The following MROH9 variants were observed in gnomAD, a reference collection of about 807,000 sequenced individuals.
MROH9 encodes the protein maestro heat-like repeat-containing protein family member 9.
MROH9 carries 92 observed loss-of-function variants against 98.2 expected under a neutral mutation model. That is an observed-to-expected ratio of 0.94 (90% confidence interval 0.79 to 1.11). The LOEUF is 1.11. MROH9 is among the 50% of genes most tolerant of loss of function. The probability of loss-of-function intolerance (pLI) is 0.00; values close to 1 mark genes in which losing one functional copy is unlikely to be tolerated. For synonymous variants in MROH9, 397 were observed against 368.9 expected (o/e 1.08, Z -0.87); for missense variants, 1,057 against 1,014.8 (o/e 1.04, Z -0.57).
At chr1:171,021,890 T>A in intron 17 of MROH9, among the ~76,000 whole-genome samples, 1 of 146,124 alleles carries the variant, frequency 6.8e-6, no homozygotes. Flanking sequence ...TACAAGAAAC[T>A]TAAATTTACA....
chr1:171,063,252 A>ATT (rs11385110), intron 21 of MROH9, among the ~76,000 whole-genome samples: 15,474 of 124,874 alleles, frequency 0.12, 1,501 homozygotes, highest in South Asian at 0.27. Flanking sequence ...ATTATCCCGG[A>ATT]TTTTTTTTTT....
chr1:170,975,869 T>C (rs568820171), intron 8 of MROH9, among the ~76,000 whole-genome samples: 2 of 152,322 alleles, frequency 1.3e-5, no homozygotes, highest in South Asian at 2.1e-4. Flanking sequence ...TGGTTAAGTC[T>C]TCCCATTGAA....
chr1:171,034,133 T>C (rs1039814000), intron 20 of MROH9, among the ~76,000 whole-genome samples: 2 of 152,072 alleles, frequency 1.3e-5, no homozygotes, highest in Non-Finnish European at 2.9e-5. Flanking sequence ...AAAAAAACTT[T>C]TATAGTATTC....
chr1:170,958,358 C>A, intron 3 of MROH9, 103 bp from the exon 4 acceptor site: 1 of 602,770 alleles, frequency 1.7e-6, no homozygotes, highest in South Asian at 3.1e-5. Context: ...GATTTGGTTC[C>A]TTTAGTCTCT....
At chr1:170,944,437 T>A (rs1455748583) in intron 1 of MROH9, among the ~76,000 whole-genome samples, 1 of 152,034 alleles carries the variant, frequency 6.6e-6, no homozygotes, top group Non-Finnish European at 1.5e-5. Flanking sequence ...AAATCTGTTA[T>A]GTAATAAACA....
chr1:171,003,410 C>G (rs1651849462), intron 15 of MROH9, among the ~76,000 whole-genome samples: 1 of 152,130 alleles, frequency 6.6e-6, no homozygotes, highest in Non-Finnish European at 1.5e-5. Context: ...GGCTGTTGTT[C>G]AAATTTTTTT....
At chr1:171,024,301 G>GTGTGTGTGTGTGTGTGT (rs1553219573) in intron 17 of MROH9, 94 bp from the exon 18 acceptor site, 15 of 718,736 alleles carry the variant, frequency 2.1e-5, no homozygotes, top group Admixed American at 6.2e-5. Context: ...ATATTTATAT[G>GTGTGTGTGTGTGTGTGT]GGGTGTGTGT....
chr1:170,961,693 A>T (rs904788657), intron 5 of MROH9, among the ~76,000 whole-genome samples, 197 bp from the exon 6 acceptor site: 3 of 152,142 alleles, frequency 2.0e-5, no homozygotes, highest in Non-Finnish European at 4.4e-5. Flanking sequence ...ATATTTTTTA[A>T]TATCTGAGAT....
chr1:171,012,141 T>C (rs907853716), intron 15 of MROH9, among the ~76,000 whole-genome samples: 4 of 152,138 alleles, frequency 2.6e-5, no homozygotes, highest in African/African-American at 9.6e-5. Flanking sequence ...TGAGTTCCTC[T>C]GTGGTTTAAG....
chr1:171,029,351 C>G (rs930366893), intron 20 of MROH9, among the ~76,000 whole-genome samples: 1 of 151,964 alleles, frequency 6.6e-6, no homozygotes, highest in African/African-American at 2.4e-5. Flanking sequence ...GCTAGGGTTA[C>G]AGCATGTGCC....
chr1:171,058,758 T>A (rs1328599461), intron 20 of MROH9, among the ~76,000 whole-genome samples: 1 of 152,194 alleles, frequency 6.6e-6, no homozygotes, highest in Non-Finnish European at 1.5e-5. Flanking sequence ...GATTTCCTAT[T>A]TAATAAATGG....
chr1:170,988,100 T>C (rs1044116229), intron 10 of MROH9, among the ~76,000 whole-genome samples: 3 of 152,192 alleles, frequency 2.0e-5, no homozygotes, highest in Non-Finnish European at 2.9e-5. Flanking sequence ...AAGATGAAAT[T>C]GTTTAAAAGT....
At chr1:170,940,855 A>G (rs1649092975) in intron 1 of MROH9, among the ~76,000 whole-genome samples, 1 of 152,178 alleles carries the variant, frequency 6.6e-6, no homozygotes, top group Admixed American at 6.5e-5. Context: ...TCCTAGGTAG[A>G]GGCAGTTCTT....
intron 1 of MROH9, among the ~76,000 whole-genome samples, chr1:170,939,159 A>T (rs565093354): frequency 4.8e-4 from 73 of 152,344 alleles, no homozygotes; most frequent in African/African-American, 1.7e-3. Context: ...ATGTCTATCC[A>T]CTTATCTCTT....
At position 170,957,075 on chromosome 1, in the gene MROH9, T is replaced by A. The variant is rs148115751; in HGVS notation, c.73-1386T>A. On this transcript the variant is annotated intron_variant, in intron 3 of 21. Transcript: ENST00000367759. ...CTTATACATTTTGGATATTAACCCC[T>A]TATCTGATTTATGTTTTACAAATAT... Among the ~76,000 whole-genome samples, 23 of 150,546 alleles carry A rather than the reference T, an allele frequency of 1.5e-4. No individual in the cohort carries two copies. In the East Asian group the frequency reaches 4.5e-3, roughly 30 times the overall value.
chr1:170,958,052 C>G (rs538767902), intron 3 of MROH9, among the ~76,000 whole-genome samples: 1 of 151,892 alleles, frequency 6.6e-6, no homozygotes, highest in Non-Finnish European at 1.5e-5. Context: ...CTCGTGGTCC[C>G]CCCGCCTCGG....
At chr1:171,053,938 A>G (rs1653749656) in intron 20 of MROH9, among the ~76,000 whole-genome samples, 2 of 152,220 alleles carry the variant, frequency 1.3e-5, no homozygotes, top group Admixed American at 6.5e-5. Flanking sequence ...GAACTCCTGT[A>G]AGAGATGATG....
chr1:171,058,966 A>G (rs1653934993), intron 20 of MROH9, among the ~76,000 whole-genome samples: 1 of 152,242 alleles, frequency 6.6e-6, no homozygotes, highest in Non-Finnish European at 1.5e-5. Flanking sequence ...GCCAAAAGCA[A>G]TCACAACAAA....
At chr1:170,961,626 CA>C (rs1245082693) in intron 5 of MROH9, among the ~76,000 whole-genome samples, 2 of 152,074 alleles carry the variant, frequency 1.3e-5, no homozygotes, top group African/African-American at 4.8e-5. Flanking sequence ...TAAAAATATT[CA>C]TTCTACTTCT....
Sources: gnomAD v4.1 joint callset for allele counts (sites outside exome capture counted in the v4.1 genomes callset) on GRCh38, gnomAD v4.1.1 for gene constraint, MANE v1.5 for transcripts, NCBI Gene and HGNC (gene_info 2026-07-23, HGNC 2026-07-21) for gene names.